Variants in AP2B1 observed in about 807,000 individuals in gnomAD.
AP2B1 encodes the protein AP-2 complex subunit beta.
A neutral mutation model predicts 102.0 loss-of-function variants in AP2B1; 23 were observed. That is an observed-to-expected ratio of 0.23 (90% CI 0.16 to 0.32). AP2B1 has a LOEUF of 0.32. Among genes scored for constraint, AP2B1 ranks in the 10% least tolerant of loss-of-function variants. The pLI, the probability that AP2B1 is intolerant of heterozygous loss-of-function variation, is 1.00. For synonymous variants in AP2B1, 381 were observed against 421.2 expected (o/e 0.90, Z 1.17); for missense variants, 541 against 1,157.4 (o/e 0.47, Z 7.73).
intron 18 of AP2B1, among the ~76,000 whole-genome samples, chr17:35,702,142 C>T (rs991133394): frequency 8.5e-5 from 13 of 152,126 alleles, no homozygotes; most frequent in African/African-American, 1.7e-4. Context: ...GGCAATAAAC[C>T]GGCAAATCAG....
In AP2B1 at chr17:35,720,568, TATA is replaced by T. The variant is rs1188520044; in HGVS notation, c.2782-3056_2782-3054del. On this transcript the variant is annotated intron_variant, in intron 21 of 21. Transcript: ENST00000610402. ...ATTTATATATATATATATATATATATATATATTTTTTTTTTTTTTTTTTTTTTT... is the reference window on the plus strand; with the variant it reads ...ATTTATATATATATATATATATATATTATTTTTTTTTTTTTTTTTTTTTTT... Among the ~76,000 whole-genome samples the T allele has an allele frequency of 2.4e-3, 130 of 54,314 alleles. 3 individuals carry two copies. Among genetic ancestry groups the T allele is most frequent in the East Asian group, 0.012 (22 of 1,804 alleles). 35.6% of individuals were successfully genotyped at this position (54,314 alleles called of 152,430 possible).
At position 35,626,538 on chromosome 17, in the gene AP2B1, T is replaced by C. The variant is rs2074320549; in HGVS notation, c.717-83T>C. On this transcript the variant is annotated intron_variant, in intron 6 of 21. Transcript: ENST00000610402. ...CTTTAATTTTTTGATACTTGGCCAT[T>C]AGACTCTGACATATTACCTTATAGA... 2.6e-6 allele frequency: 3 copies of C among 1,153,564 alleles called. No homozygotes were observed. The South Asian group carries it at 4.4e-5, about 17-fold the overall frequency. The allele number at this position is 1,153,564 out of a possible 1,614,324, so 71.5% of individuals were successfully genotyped here. A position where few individuals can be genotyped will look rare whatever the true frequency, so the allele number is the denominator to read the frequency against.
intron 5 of AP2B1, among the ~76,000 whole-genome samples, chr17:35,612,880 G>A (rs9911863): frequency 0.21 from 30,419 of 147,984 alleles, 4,733 homozygotes; most frequent in East Asian, 0.35. Flanking sequence ...GTGTATGTGC[G>A]CACACACACA....
intron 18 of AP2B1, among the ~76,000 whole-genome samples, chr17:35,687,988 CCCAAATT>C (rs1246501171): frequency 5.3e-5 from 8 of 152,212 alleles, no homozygotes; most frequent in Non-Finnish European, 1.0e-4. Flanking sequence ...GTAATTCAAT[CCCAAATT>C]CCATTGAGAT....
At chr17:35,634,312 T>C (rs114209315) in intron 9 of AP2B1, among the ~76,000 whole-genome samples, 1 of 152,350 alleles carries the variant, frequency 6.6e-6, no homozygotes, top group African/African-American at 2.4e-5. Context: ...CTCCATCCTC[T>C]TTAAATAATT....
chr17:35,641,834 C>G (rs749955022), intron 11 of AP2B1, 43 bp from the exon 12 acceptor site: 1 of 1,411,274 alleles, frequency 7.1e-7, no homozygotes. Context: ...GGGAATAATG[C>G]CAGTGCCATT....
chr17:35,593,274 A>G (rs531703541), intron 1 of AP2B1, among the ~76,000 whole-genome samples: 86 of 152,338 alleles, frequency 5.6e-4, no homozygotes, highest in African/African-American at 2.0e-3. Context: ...TTTACTGTAC[A>G]TTTAAAAATA....
chr17:35,639,765 GT>G lies in AP2B1; in HGVS notation c.1437+7del, dbSNP rs747143945. ...TTTCACGATGAAAGCACCCAGGTAA[GT>G]TCTTGTCTCTTGTCTATCCTAGTAG... On this transcript the variant is annotated splice_donor_region_variant and intron_variant, in intron 11 of 21. Transcript: ENST00000610402. The G allele has an allele frequency of 8.1e-6, 13 of 1,612,898 alleles. No homozygotes were observed. The highest frequency in any genetic ancestry group is 1.1e-5 in the Non-Finnish European group (13 of 1,179,402).
chr17:35,589,378 G>C (rs2073009512), intron 1 of AP2B1, among the ~76,000 whole-genome samples: 1 of 152,106 alleles, frequency 6.6e-6, no homozygotes, highest in East Asian at 1.9e-4. Flanking sequence ...TGAAAAGAAG[G>C]GTTTAGTGAC....
chr17:35,714,195 C>A (rs145453761), intron 20 of AP2B1, among the ~76,000 whole-genome samples: 1 of 152,158 alleles, frequency 6.6e-6, no homozygotes, highest in Non-Finnish European at 1.5e-5. Context: ...AGGGTGAATT[C>A]TGTTTCATTG....
chr17:35,692,393 A>T (rs1394343835), intron 18 of AP2B1, among the ~76,000 whole-genome samples: 1 of 152,166 alleles, frequency 6.6e-6, no homozygotes, highest in East Asian at 1.9e-4. Flanking sequence ...CATTAGTTTT[A>T]TGTTTCTAAT....
chr17:35,649,905 G>T (rs1341897045), intron 12 of AP2B1, among the ~76,000 whole-genome samples: 1 of 151,952 alleles, frequency 6.6e-6, no homozygotes, highest in Non-Finnish European at 1.5e-5. Flanking sequence ...GGGACTACAG[G>T]TACATGCGGC....
At position 35,626,143 on chromosome 17, in the gene AP2B1, A is replaced by C. The variant is rs114399710; in HGVS notation, c.717-478A>C. ...GAGAGGAGGTTGGATTGTTTTCCCT[A>C]CCAGCCTGCCTCCTGCTGTATCTTA... is the stretch of plus-strand genomic sequence containing the variant. On this transcript the variant is annotated intron_variant, in intron 6 of 21. Transcript: ENST00000610402. 6.4e-3 allele frequency among the ~76,000 whole-genome samples: 972 copies of C among 152,210 alleles called. 9 individuals carry two copies. The highest frequency in any genetic ancestry group is 0.022 in the African/African-American group (925 of 41,518).
chr17:35,649,829 A>G (rs1246671583), intron 12 of AP2B1, among the ~76,000 whole-genome samples: 1 of 151,990 alleles, frequency 6.6e-6, no homozygotes, highest in Non-Finnish European at 1.5e-5. Context: ...CGGTGCAGTC[A>G]TGGCTCACTG....
intron 21 of AP2B1, among the ~76,000 whole-genome samples, chr17:35,720,571 ATATTTTTTTTTT>A (rs1228731434): frequency 1.5e-3 from 67 of 44,188 alleles, no homozygotes; most frequent in African/African-American, 3.8e-3. Context: ...ATATATATAT[ATATTTTTTTTTT>A]TTTTTTTTTT....
chr17:35,670,728 T>C, intron 14 of AP2B1, 129 bp from the exon 15 acceptor site: 1 of 916,492 alleles, frequency 1.1e-6, no homozygotes. Context: ...TTTTAGGCTT[T>C]GGGAGACAAG....
intron 2 of AP2B1, among the ~76,000 whole-genome samples, chr17:35,595,750 C>G (rs1232274022): frequency 6.6e-6 from 1 of 152,068 alleles, no homozygotes; most frequent in Non-Finnish European, 1.5e-5. Flanking sequence ...CTTTTTCCTC[C>G]TTATTTTTAT....
chr17:35,692,209 T>C (rs1217070052), intron 18 of AP2B1, among the ~76,000 whole-genome samples: 1 of 152,184 alleles, frequency 6.6e-6, no homozygotes, highest in East Asian at 1.9e-4. Flanking sequence ...ACACCCAAAC[T>C]TGGGTCACAT....
intron 21 of AP2B1, among the ~76,000 whole-genome samples, chr17:35,722,114 C>T (rs1210102243): frequency 1.3e-5 from 2 of 152,070 alleles, no homozygotes; most frequent in Non-Finnish European, 2.9e-5. Flanking sequence ...TATGGTGGCA[C>T]GCATCTGTAA....
Sources: allele counts gnomAD v4.1 joint callset (sites outside exome capture counted in the v4.1 genomes callset), GRCh38; gene constraint gnomAD v4.1.1; transcripts MANE v1.5; gene names NCBI Gene and HGNC (gene_info 2026-07-23, HGNC 2026-07-21).